Variants in C5orf22 observed in about 807,000 individuals in gnomAD.
The protein encoded by C5orf22 is UPF0489 protein C5orf22.
C5orf22 carries 36 observed loss-of-function variants against 48.7 expected under a neutral mutation model. The ratio of observed to expected loss-of-function variants is 0.74; its 90% CI spans 0.57 to 0.98. The LOEUF is 0.98. Ranked by LOEUF, C5orf22 falls within the 50% of genes least tolerant of loss-of-function variation. C5orf22 has a pLI of 0.00. For missense variants in C5orf22, 486 were observed against 521.9 expected, an observed-to-expected ratio of 0.93 and a Z score of 0.67; for synonymous variants, 141 against 180.8, an observed-to-expected ratio of 0.78 and a Z score of 1.76.
chr5:31,551,417 T>C lies in C5orf22; in HGVS notation c.1184T>C (p.Leu395Pro). 6.2e-7 allele frequency: 1 copy of C among 1,611,010 alleles called. No individual in the cohort carries two copies. Among genetic ancestry groups the C allele is most frequent in the Non-Finnish European group, 8.5e-7 (1 of 1,179,078 alleles). The change falls in exon 8 of 9, where the codon CTT becomes CCT. Residue 395 changes from leucine to proline, a missense_variant. By Grantham distance (98) the Leu-to-Pro change is moderately conservative. This residue lies in a region of C5orf22 where 408 missense variants were observed against 444.0 expected (regional missense o/e 0.92). Transcript: ENST00000325366. ...YLLKNLPNPT[L>P]VTIARSSLDD... ...CTGAAAAATTTACCAAATCCTACTC[T>C]TGTGACAATTGCAAGGTAAGTGTGT...
At chr5:31,542,136 T>C (rs531725654) in intron 6 of C5orf22, among the ~76,000 whole-genome samples, 2 of 152,100 alleles carry the variant, frequency 1.3e-5, no homozygotes, top group Admixed American at 6.5e-5. Context: ...GAAAAGTAAA[T>C]TACTTGACAA....
rs897200302 is a variant in C5orf22 at position 31,535,727 on chromosome 5, C to G, written c.228-17C>G. The G allele has an allele frequency of 6.4e-7, 1 of 1,567,116 alleles. No homozygotes were observed. The highest frequency in any genetic ancestry group is 1.4e-5 in the African/African-American group (1 of 72,386). ...AAAAATAAAAGTTTTAATGTTGTCT[C>G]TATGTTTCTTTTCCAGAGAATTAAG... On this transcript the variant is annotated splice_polypyrimidine_tract_variant and intron_variant, in intron 2 of 8. Coordinates refer to ENST00000325366, the MANE Select transcript of C5orf22 (RefSeq NM_018356.3).
At chr5:31,552,656 C>T in intron 8 of C5orf22, 117 bp from the exon 9 acceptor site, 2 of 838,658 alleles carry the variant, frequency 2.4e-6, no homozygotes, top group South Asian at 2.0e-5. Flanking sequence ...GATATTAATC[C>T]AAAGTTCAGC....
intron 5 of C5orf22, 115 bp from the exon 6 acceptor site, chr5:31,541,166 G>A (rs911601670): frequency 9.1e-7 from 1 of 1,104,048 alleles, no homozygotes; most frequent in African/African-American, 1.6e-5. Context: ...GAAGCCCATG[G>A]TTAGTACTTG....
chr5:31,538,764 C>A, intron 4 of C5orf22, 75 bp downstream of exon 4: 1 of 1,053,748 alleles, frequency 9.5e-7, no homozygotes, highest in Non-Finnish European at 1.4e-6. Context: ...CCAGCAAACT[C>A]TTTAAACAGC....
At chr5:31,539,833 A>G (rs1742339747) in intron 4 of C5orf22, among the ~76,000 whole-genome samples, 1 of 152,112 alleles carries the variant, frequency 6.6e-6, no homozygotes, top group Non-Finnish European at 1.5e-5. Flanking sequence ...ACTTGAGCCA[A>G]GGAGTTTGAG....
At chr5:31,541,451 C>A (rs1478894203) in intron 6 of C5orf22, 49 bp downstream of exon 6, 2 of 1,587,032 alleles carry the variant, frequency 1.3e-6, no homozygotes, top group African/African-American at 2.7e-5. Flanking sequence ...ACTTTCAGTC[C>A]TAGATATGTT....
At chr5:31,538,863 C>G (rs1441965216) in intron 4 of C5orf22, among the ~76,000 whole-genome samples, 174 bp downstream of exon 4, 1 of 152,124 alleles carries the variant, frequency 6.6e-6, no homozygotes, top group Admixed American at 6.5e-5. Context: ...GTTGTATATA[C>G]CATTCTTAAC....
At position 31,532,355 on chromosome 5, in the gene C5orf22, T is replaced by G; in HGVS notation, c.-38T>G. 1 of 1,608,660 alleles carries G rather than the reference T, an allele frequency of 6.2e-7. No homozygotes were observed. The highest frequency in any genetic ancestry group is 8.5e-7 in the Non-Finnish European group (1 of 1,175,316). ...CCGGCTTTCCCGGGTCTTCTCCAGCTGCCACCGCTTTACTGCAAAACTGAC... is the reference window on the plus strand; with the variant it reads ...CCGGCTTTCCCGGGTCTTCTCCAGCGGCCACCGCTTTACTGCAAAACTGAC... On this transcript the variant is annotated 5_prime_UTR_variant, in exon 1 of 9. Transcript: ENST00000325366.
intron 3 of C5orf22, 35 bp downstream of exon 3, chr5:31,535,928 T>C (rs1742045541): frequency 6.3e-7 from 1 of 1,593,122 alleles, no homozygotes; most frequent in African/African-American, 1.3e-5. Context: ...TGGAAGTGAT[T>C]GAATGTTTCT....
intron 8 of C5orf22, among the ~76,000 whole-genome samples, chr5:31,552,471 T>C (rs763553174): frequency 6.6e-6 from 1 of 152,274 alleles, no homozygotes; most frequent in South Asian, 2.1e-4. Flanking sequence ...CAAACAATGG[T>C]CTAGCAATCA....
chr5:31,534,220 T>C, intron 1 of C5orf22, 52 bp from the exon 2 acceptor site: 1 of 1,471,650 alleles, frequency 6.8e-7, no homozygotes, highest in Non-Finnish European at 9.4e-7. Context: ...CAGTTGAGTG[T>C]GTGCTCATGG....
Position 31,542,221 on chromosome 5 carries a change from C to T in C5orf22, c.992+819C>T, listed in dbSNP as rs938684777. On this transcript the variant is annotated intron_variant, in intron 6 of 8. Coordinates refer to ENST00000325366, the MANE Select transcript of C5orf22 (RefSeq NM_018356.3). The stretch of plus-strand genomic sequence containing the variant: ...ATCCCAGCACTTTGGGAGGCTGAGG[C>T]GGGCGGATCATGAGGTTAGGAGATC... Among the ~76,000 whole-genome samples the T allele has an allele frequency of 3.3e-5, 5 of 151,192 alleles. No individual in the cohort carries two copies. The East Asian group carries it at 9.7e-4, about 29-fold the overall frequency.
In C5orf22 at chr5:31,552,909, C is replaced by T; in HGVS notation, c.*7C>T. 1 of 1,612,840 alleles carries T rather than the reference C, an allele frequency of 6.2e-7. No individual in the cohort carries two copies. Among genetic ancestry groups the T allele is most frequent in the Non-Finnish European group, 8.5e-7 (1 of 1,179,274 alleles). ...AGAGTCTCCTCCATCTTGAAACAAA[C>T]AAAACATTAGGCTCCTGTTGTATCT... On this transcript the variant is annotated 3_prime_UTR_variant, in exon 9 of 9. Transcript: ENST00000325366.
intron 3 of C5orf22, among the ~76,000 whole-genome samples, chr5:31,537,847 G>A (rs1448253567): frequency 6.6e-6 from 1 of 152,236 alleles, no homozygotes; most frequent in East Asian, 1.9e-4. Flanking sequence ...CAGCTCTAGA[G>A]TTTGGGGAAC....
chr5:31,534,204 A>T, intron 1 of C5orf22, 68 bp from the exon 2 acceptor site: 6 of 1,293,236 alleles, frequency 4.6e-6, no homozygotes, highest in Non-Finnish European at 6.5e-6. Flanking sequence ...ATTGTTTTTC[A>T]GTCTGCAGTT....
chr5:31,546,341 G>A (rs1311486877), intron 7 of C5orf22, among the ~76,000 whole-genome samples: 2 of 152,250 alleles, frequency 1.3e-5, no homozygotes, highest in East Asian at 3.9e-4. Context: ...TTGATGCCAG[G>A]GCTAAGACTT....
At chr5:31,549,731 C>T (rs913722148) in intron 7 of C5orf22, among the ~76,000 whole-genome samples, 1 of 152,074 alleles carries the variant, frequency 6.6e-6, no homozygotes, top group Admixed American at 6.6e-5. Flanking sequence ...CAAAAATTAG[C>T]CAGGTGTGGT....
intron 7 of C5orf22, among the ~76,000 whole-genome samples, chr5:31,547,390 G>A (rs908571330): frequency 3.9e-5 from 6 of 152,194 alleles, no homozygotes; most frequent in Non-Finnish European, 8.8e-5. Flanking sequence ...TCTGGAGGAC[G>A]GACAGTGGCC....
Sources: allele counts gnomAD v4.1 joint callset (sites outside exome capture counted in the v4.1 genomes callset), GRCh38; gene constraint gnomAD v4.1.1; regional missense constraint gnomAD v4.1.1; transcripts MANE v1.5; gene names NCBI Gene and HGNC (gene_info 2026-07-23, HGNC 2026-07-21).